The following KIAA0513 variants were observed in gnomAD, a reference collection of about 807,000 sequenced individuals.
The protein encoded by KIAA0513 is KIAA0513.
KIAA0513 carries 39 observed loss-of-function variants against 56.5 expected under a neutral mutation model. The ratio of observed to expected loss-of-function variants is 0.69; its 90% CI spans 0.53 to 0.90. The LOEUF (loss-of-function observed/expected upper bound fraction) is 0.90. KIAA0513 is among the 40% of genes least tolerant of loss of function. KIAA0513 has a pLI of 0.00. For synonymous variants in KIAA0513, 268 were observed against 215.6 expected (o/e 1.24, Z -2.13); for missense variants, 591 against 535.2 (o/e 1.10, Z -1.03).
intron 1 of KIAA0513, among the ~76,000 whole-genome samples, chr16:85,052,415 G>A (rs532265453): frequency 1.3e-5 from 2 of 152,288 alleles, no homozygotes; most frequent in East Asian, 1.9e-4. Context: ...GGGAGGCTGA[G>A]GCACCAGAAT....
At position 85,089,247 on chromosome 16, in the gene KIAA0513, C is replaced by A. The variant is rs1242950628; in HGVS notation, c.*922C>A. 1.3e-5 allele frequency: 2 copies of A among 152,284 alleles called. No homozygotes were observed. The highest frequency in any genetic ancestry group is 2.9e-5 in the Non-Finnish European group (2 of 68,090). 9.4% of individuals were successfully genotyped at this position (152,284 alleles called of 1,614,324 possible). A position where few individuals can be genotyped will look rare whatever the true frequency, so the allele number is the denominator to read the frequency against. Reference sequence around the variant, plus strand: ...AAAGCAAACAGTGCTGCTCTTTATTCCAGACAAGGCAGGAAAGTCTGAGTT... The same window carrying A: ...AAAGCAAACAGTGCTGCTCTTTATTACAGACAAGGCAGGAAAGTCTGAGTT... On this transcript the variant is annotated 3_prime_UTR_variant, in exon 13 of 13. Coordinates refer to ENST00000683363, the MANE Select transcript of KIAA0513 (RefSeq NM_001388359.1). This position sits in a 1 kb window ranked among gnomAD's most constrained non-coding sequence, Gnocchi z 4.2.
At chr16:85,070,570 C>G (rs1217386490) in intron 2 of KIAA0513, among the ~76,000 whole-genome samples, 2 of 152,032 alleles carry the variant, frequency 1.3e-5, no homozygotes, top group Non-Finnish European at 2.9e-5. Context: ...CCCTGCTACT[C>G]GGGAGGCTGA....
chr16:85,048,361 C>T (rs868404064), intron 1 of KIAA0513, among the ~76,000 whole-genome samples: 4 of 152,174 alleles, frequency 2.6e-5, no homozygotes, highest in Admixed American at 6.5e-5. Flanking sequence ...AAAGGGGTTT[C>T]TAAGAGTCAA....
At chr16:85,061,757 G>A (rs907205332) in intron 1 of KIAA0513, among the ~76,000 whole-genome samples, 20 of 152,270 alleles carry the variant, frequency 1.3e-4, no homozygotes, top group South Asian at 6.2e-4. Flanking sequence ...CAGCCACACC[G>A]GGGCAATCTC....
At chr16:85,068,473 CAGG>C (rs1478719174) in intron 2 of KIAA0513, among the ~76,000 whole-genome samples, 20 of 152,250 alleles carry the variant, frequency 1.3e-4, no homozygotes, top group African/African-American at 4.8e-4. Flanking sequence ...GCTGGGACTA[CAGG>C]TGCCCGCCAC....
chr16:85,061,367 C>G (rs558632817), intron 1 of KIAA0513, among the ~76,000 whole-genome samples: 2 of 152,256 alleles, frequency 1.3e-5, no homozygotes, highest in African/African-American at 4.8e-5. Flanking sequence ...GATCAGGGCC[C>G]CTGGTTCTCC....
At chr16:85,080,092 G>A (rs1597642633) in intron 8 of KIAA0513, among the ~76,000 whole-genome samples, 2 of 152,178 alleles carry the variant, frequency 1.3e-5, no homozygotes, top group African/African-American at 2.4e-5. Flanking sequence ...GAGCGCTGCC[G>A]GGACCCAGAG....
intron 2 of KIAA0513, 72 bp downstream of exon 2, chr16:85,067,472 G>A: frequency 8.0e-7 from 1 of 1,254,088 alleles, no homozygotes; most frequent in East Asian, 2.4e-5. Flanking sequence ...CCTGCTCTCG[G>A]CTCTGCCTCT....
chr16:85,032,036 G>C (rs1430867506), intron 1 of KIAA0513, among the ~76,000 whole-genome samples: 1 of 152,142 alleles, frequency 6.6e-6, no homozygotes, highest in Non-Finnish European at 1.5e-5. Flanking sequence ...TAAAGCAACC[G>C]AAATTTATTC....
intron 2 of KIAA0513, among the ~76,000 whole-genome samples, chr16:85,069,785 C>T (rs1044167007): frequency 6.6e-6 from 1 of 152,088 alleles, no homozygotes; most frequent in African/African-American, 2.4e-5. Context: ...AGAACGTGCC[C>T]TTTAACAAGA....
chr16:85,060,842 TAAA>T (rs76957998), intron 1 of KIAA0513, among the ~76,000 whole-genome samples: 6 of 118,132 alleles, frequency 5.1e-5, no homozygotes, highest in Admixed American at 9.2e-5. Context: ...TGAACCTATC[TAAA>T]AAAAAAAAAA....
chr16:85,059,401 C>T, intron 1 of KIAA0513, among the ~76,000 whole-genome samples: 1 of 152,230 alleles, frequency 6.6e-6, no homozygotes, highest in East Asian at 1.9e-4. Context: ...TGAGCTGTGC[C>T]TCATGTAGTG....
chr16:85,078,150 G>A (rs561079945), intron 6 of KIAA0513, among the ~76,000 whole-genome samples: 3 of 152,282 alleles, frequency 2.0e-5, no homozygotes, highest in Admixed American at 6.5e-5. Flanking sequence ...TCATGGCTGG[G>A]CCACAGCCGG....
chr16:85,072,970 G>T lies in KIAA0513; in HGVS notation c.475G>T (p.Val159Leu). The change falls in exon 4 of 13, where the codon GTG (valine) becomes TTG (leucine). Residue 159 changes from valine to leucine, a missense_variant. Val to Leu is a conservative substitution (Grantham distance 32). Coordinates refer to ENST00000683363, the MANE Select transcript of KIAA0513 (RefSeq NM_001388359.1). ...CVSEATFYRL[V>L]QSFAVVLFEC... ...CTCAGAGGCAACCTTCTACCGCCTG[G>T]TGCAGTCTTTTGCAGTGGTGCTGTT... 7 of 1,614,194 alleles carry T rather than the reference G, an allele frequency of 4.3e-6. No homozygotes were observed. Among genetic ancestry groups the T allele is most frequent in the Non-Finnish European group, 5.9e-6 (7 of 1,180,028 alleles).
At chr16:85,040,797 T>G (rs981262403) in intron 1 of KIAA0513, among the ~76,000 whole-genome samples, 16 of 152,296 alleles carry the variant, frequency 1.1e-4, no homozygotes, top group Middle Eastern at 3.4e-3. Flanking sequence ...AAACTACAGA[T>G]GAGAATTTTG....
intron 1 of KIAA0513, among the ~76,000 whole-genome samples, chr16:85,035,655 T>C (rs1004059154): frequency 6.6e-6 from 1 of 152,074 alleles, no homozygotes; most frequent in African/African-American, 2.4e-5. Context: ...CATGCCCCAC[T>C]AATTTATTTT....
In KIAA0513 at chr16:85,078,934, A is replaced by G. The variant is rs777422539; in HGVS notation, c.833A>G (p.Tyr278Cys). Residue 278 changes from tyrosine to cysteine, a missense_variant, in exon 8 of 13, where the codon TAC (tyrosine) becomes TGC (cysteine). By Grantham distance (194) the Tyr-to-Cys change is radical. Transcript: ENST00000683363. ...CTCTCTCCTCCCACAGTGACCGCGT[A>G]CAGCCCCGAGGACGAAAAGAAGGGG... ...QEKRPRAVTA[Y>C]SPEDEKKGEK... is the part of the protein sequence containing the mutation. 7 of 1,614,066 alleles carry G rather than the reference A, an allele frequency of 4.3e-6. No individual in the cohort carries two copies. Among genetic ancestry groups the G allele is most frequent in the Non-Finnish European group, 5.9e-6 (7 of 1,180,030 alleles).
At chr16:85,069,469 T>C (rs1158161440) in intron 2 of KIAA0513, among the ~76,000 whole-genome samples, 6 of 151,902 alleles carry the variant, frequency 3.9e-5, no homozygotes, top group Non-Finnish European at 5.9e-5. Context: ...GTATTGACAA[T>C]TGGAGCAGCA....
intron 7 of KIAA0513, 72 bp from the exon 8 acceptor site, chr16:85,078,853 C>G (rs2073698806): frequency 6.6e-7 from 1 of 1,509,712 alleles, no homozygotes; most frequent in East Asian, 2.3e-5. Flanking sequence ...TGCTGGGAGG[C>G]TGTCACCCGG....
Sources: allele counts gnomAD v4.1 joint callset (sites outside exome capture counted in the v4.1 genomes callset), GRCh38; gene constraint gnomAD v4.1.1; non-coding constraint Gnocchi (gnomAD v3.1); transcripts MANE v1.5; gene names NCBI Gene and HGNC (gene_info 2026-07-23, HGNC 2026-07-21).